Variants in CAMKMT observed in about 807,000 individuals in gnomAD.
The protein encoded by CAMKMT is calmodulin-lysine N-methyltransferase.
Under a neutral mutation model 48.0 loss-of-function variants are expected in CAMKMT, and 53 were observed. The ratio of observed to expected loss-of-function variants is 1.10; its 90% confidence interval spans 0.89 to 1.39. The LOEUF (loss-of-function observed/expected upper bound fraction) is 1.39. Among genes scored for constraint, CAMKMT ranks in the 40% most tolerant of loss-of-function variants. CAMKMT has a pLI of 0.00. For missense variants in CAMKMT, 428 were observed against 402.7 expected (o/e 1.06, Z -0.54); for synonymous variants, 165 against 152.3 (o/e 1.08, Z -0.61).
intron 3 of CAMKMT, among the ~76,000 whole-genome samples, chr2:44,652,145 G>T (rs1674104674): frequency 6.6e-6 from 1 of 152,190 alleles, no homozygotes; most frequent in Non-Finnish European, 1.5e-5. Flanking sequence ...CTACCCACAG[G>T]CTGGAGAGAA....
At chr2:44,540,116 T>C (rs945177780) in intron 3 of CAMKMT, among the ~76,000 whole-genome samples, 4 of 151,104 alleles carry the variant, frequency 2.6e-5, no homozygotes, top group Non-Finnish European at 4.4e-5. Flanking sequence ...CATTCTGTTA[T>C]AAGGAGAGGC....
At chr2:44,449,737 C>G (rs1301429565) in intron 3 of CAMKMT, among the ~76,000 whole-genome samples, 1 of 152,108 alleles carries the variant, frequency 6.6e-6, no homozygotes, top group Non-Finnish European at 1.5e-5. Context: ...TCTTTCAACA[C>G]TATTAACAAG....
intron 6 of CAMKMT, among the ~76,000 whole-genome samples, chr2:44,710,586 T>C (rs758381373): frequency 3.3e-5 from 5 of 151,996 alleles, no homozygotes; most frequent in African/African-American, 7.2e-5. Flanking sequence ...TTCTCAAATT[T>C]ATTCTAAAAT....
intron 3 of CAMKMT, among the ~76,000 whole-genome samples, chr2:44,632,503 A>T (rs568976360): frequency 1.3e-5 from 2 of 152,362 alleles, no homozygotes; most frequent in South Asian, 4.1e-4. Flanking sequence ...ACAGATTAAC[A>T]TGTCTATAAT....
chr2:44,652,879 C>T (rs1674160199), intron 3 of CAMKMT, among the ~76,000 whole-genome samples: 1 of 152,152 alleles, frequency 6.6e-6, no homozygotes, highest in Non-Finnish European at 1.5e-5. Context: ...ATTCAGAGAC[C>T]GAGCATCTAA....
At chr2:44,539,174 G>A (rs928406196) in intron 3 of CAMKMT, among the ~76,000 whole-genome samples, 57 of 150,978 alleles carry the variant, frequency 3.8e-4, no homozygotes, top group African/African-American at 1.2e-3. Context: ...GCATGGTGGC[G>A]GATGCCTGTA....
chr2:44,619,959 C>A (rs1672087135), intron 3 of CAMKMT, among the ~76,000 whole-genome samples: 1 of 152,152 alleles, frequency 6.6e-6, no homozygotes, highest in Admixed American at 6.5e-5. Context: ...CAGTAAGTGA[C>A]AACCCATGCC....
At chr2:44,660,323 C>T (rs531629152) in intron 3 of CAMKMT, among the ~76,000 whole-genome samples, 10 of 152,254 alleles carry the variant, frequency 6.6e-5, no homozygotes, top group Non-Finnish European at 1.2e-4. Flanking sequence ...CTATTATTAT[C>T]GTTAAAATAG....
At chr2:44,467,455 A>G (rs901923992) in intron 3 of CAMKMT, among the ~76,000 whole-genome samples, 1 of 151,270 alleles carries the variant, frequency 6.6e-6, no homozygotes, top group Non-Finnish European at 1.5e-5. Flanking sequence ...TCCCTTGAAC[A>G]TGGGAGGCAG....
chr2:44,457,621 A>T (rs1667635937), intron 3 of CAMKMT, among the ~76,000 whole-genome samples: 2 of 151,040 alleles, frequency 1.3e-5, no homozygotes, highest in African/African-American at 2.4e-5. Context: ...CTGGTCTCAA[A>T]CTCCTGACCT....
chr2:44,691,449 T>A (rs1676650728), intron 3 of CAMKMT, among the ~76,000 whole-genome samples: 1 of 152,248 alleles, frequency 6.6e-6, no homozygotes, highest in Admixed American at 6.5e-5. Context: ...GTTAATAGTC[T>A]GAGTTAAAAT....
chr2:44,521,835 A>G (rs1671129557), intron 3 of CAMKMT, among the ~76,000 whole-genome samples: 1 of 148,350 alleles, frequency 6.7e-6, no homozygotes, highest in African/African-American at 2.5e-5. Flanking sequence ...AGCCTGGGCA[A>G]TAGAGCAAGA....
intron 3 of CAMKMT, among the ~76,000 whole-genome samples, chr2:44,455,667 T>G (rs1405894785): frequency 6.6e-6 from 1 of 152,218 alleles, no homozygotes; most frequent in Non-Finnish European, 1.5e-5. Flanking sequence ...TTTGACCAAG[T>G]TATTTAACCA....
At chr2:44,645,979 C>T (rs113826761) in intron 3 of CAMKMT, among the ~76,000 whole-genome samples, 4 of 152,344 alleles carry the variant, frequency 2.6e-5, no homozygotes, top group African/African-American at 9.6e-5. Flanking sequence ...GCATTGTAAA[C>T]ATTATAGCAA....
At chr2:44,731,866 C>T (rs1215408481) in intron 7 of CAMKMT, among the ~76,000 whole-genome samples, 1 of 152,212 alleles carries the variant, frequency 6.6e-6, no homozygotes, top group African/African-American at 2.4e-5. Flanking sequence ...TCAGAGCTAT[C>T]CAGCTACAAA....
chr2:44,727,803 G>GT (rs1268132790), intron 7 of CAMKMT, among the ~76,000 whole-genome samples: 2 of 152,102 alleles, frequency 1.3e-5, no homozygotes, highest in Admixed American at 6.5e-5. Context: ...GTCTGTTGAG[G>GT]TTTTTTATCA....
chr2:44,569,339 G>A (rs753462666), intron 3 of CAMKMT, among the ~76,000 whole-genome samples: 7 of 152,118 alleles, frequency 4.6e-5, no homozygotes, highest in East Asian at 3.9e-4. Flanking sequence ...GGTATTATAC[G>A]AATGGCGATT....
At chr2:44,413,293 A>C (rs1683333161) in intron 3 of CAMKMT, among the ~76,000 whole-genome samples, 1 of 152,022 alleles carries the variant, frequency 6.6e-6, no homozygotes, top group African/African-American at 2.4e-5. Flanking sequence ...GGGTCAAATG[A>C]AAGAGGCAGG....
intron 3 of CAMKMT, among the ~76,000 whole-genome samples, chr2:44,474,778 T>C (rs1017161233): frequency 6.6e-6 from 1 of 152,170 alleles, no homozygotes; most frequent in South Asian, 2.1e-4. Flanking sequence ...TCTCTATTAA[T>C]TGCACTAACA....
Sources: allele counts gnomAD v4.1 joint callset (sites outside exome capture counted in the v4.1 genomes callset), GRCh38; gene constraint gnomAD v4.1.1; transcripts MANE v1.5; gene names NCBI Gene and HGNC (gene_info 2026-07-23, HGNC 2026-07-21).